The following RGS7 variants were observed in gnomAD, a reference collection of about 807,000 sequenced individuals.
RGS7 encodes the protein regulator of G-protein signaling 7.
In RGS7, 27 loss-of-function variants were observed where a neutral mutation model predicts 81.1. The observed-to-expected ratio is 0.33, with a 90% confidence interval of 0.25 to 0.46. RGS7 has a LOEUF of 0.46. RGS7 is among the 20% of genes least tolerant of loss of function. RGS7 has a pLI of 1.00. For synonymous variants in RGS7, 208 were observed against 207.7 expected (o/e 1.00, Z -0.01); for missense variants, 396 against 607.4 (o/e 0.65, Z 3.66).
chr1:241,054,631 C>T (rs574228314), intron 3 of RGS7, among the ~76,000 whole-genome samples: 3 of 152,168 alleles, frequency 2.0e-5, no homozygotes, highest in African/African-American at 7.2e-5. Context: ...AACTTTTATA[C>T]CCTACTTCCT....
At chr1:241,165,872 CAGT>C (rs2070187146) in intron 2 of RGS7, among the ~76,000 whole-genome samples, 1 of 151,746 alleles carries the variant, frequency 6.6e-6, no homozygotes, top group Non-Finnish European at 1.5e-5. Context: ...TACCCAACAG[CAGT>C]AGTTCTCAAA....
chr1:241,089,759 AC>A (rs2148924744), intron 3 of RGS7, among the ~76,000 whole-genome samples: 1 of 152,238 alleles, frequency 6.6e-6, no homozygotes, highest in East Asian at 1.9e-4. Flanking sequence ...GAACAGGAGC[AC>A]TTTGGGAGGA....
chr1:240,947,638 C>T lies in RGS7; in HGVS notation c.227-10932G>A, dbSNP rs552705594. Reference sequence around the variant, plus strand: ...ATCCACCACCTCCACCACCCCAGTCCAACCTCATATCATCCTGTGGCTGAG... The same window carrying T: ...ATCCACCACCTCCACCACCCCAGTCTAACCTCATATCATCCTGTGGCTGAG... On this transcript the variant is annotated intron_variant, in intron 4 of 18. Coordinates refer to ENST00000440928, the MANE Select transcript of RGS7 (RefSeq NM_001364886.1). 2.0e-4 allele frequency among the ~76,000 whole-genome samples: 30 copies of T among 152,256 alleles called. 1 individual carries two copies. The highest frequency in any genetic ancestry group is 1.7e-3 in the South Asian group (8 of 4,818).
intron 3 of RGS7, among the ~76,000 whole-genome samples, chr1:240,988,049 TCTGTCAGTCC>T (rs1057300863): frequency 2.6e-5 from 4 of 152,036 alleles, no homozygotes; most frequent in Non-Finnish European, 5.9e-5. Flanking sequence ...AATTAACTGA[TCTGTCAGTCC>T]CTTGAGAGAA....
rs1673285357 is a variant in RGS7, at chr1:240,920,254, T to C, written c.385+10463A>G. 8 of 1,263,526 alleles carry C rather than the reference T, an allele frequency of 6.3e-6. No individual in the cohort carries two copies. In the Admixed American group the frequency reaches 1.0e-4, roughly 16 times the overall value. The allele number at this position is 1,263,526 out of a possible 1,614,324, so 78.3% of individuals were successfully genotyped here. A position where few individuals can be genotyped will look rare whatever the true frequency, so the allele number is the denominator to read the frequency against. On this transcript the variant is annotated intron_variant, in intron 6 of 18. Transcript: ENST00000440928. ...AGAGGTCGAAGTGGTTCTGGAAACT[T>C]TGGTGGTGATCGTGGTGGTGGTTTT...
intron 3 of RGS7, among the ~76,000 whole-genome samples, chr1:241,012,767 C>T (rs1572258325): frequency 1.3e-5 from 2 of 152,238 alleles, no homozygotes; most frequent in African/African-American, 4.8e-5. Context: ...TCTGAGTCCC[C>T]CTTAACCAGC....
intron 2 of RGS7, among the ~76,000 whole-genome samples, chr1:241,339,073 C>T (rs972827736): frequency 2.6e-5 from 4 of 152,082 alleles, no homozygotes; most frequent in African/African-American, 9.7e-5. Context: ...CAGTGCGTGT[C>T]GTTCCCCTCC....
At position 241,086,257 on chromosome 1, in the gene RGS7, C is replaced by T. The variant is rs374276732; in HGVS notation, c.175+12409G>A. On this transcript the variant is annotated intron_variant, in intron 3 of 18. Coordinates refer to ENST00000440928, the MANE Select transcript of RGS7 (RefSeq NM_001364886.1). ...ATATAGCCAAAACATATCATGCCTT[C>T]GTCATTCTCTCCATGAAGAAAGAAA... 8.5e-5 allele frequency among the ~76,000 whole-genome samples: 13 copies of T among 152,292 alleles called. No individual in the cohort carries two copies. The South Asian group carries it at 1.2e-3, about 15-fold the overall frequency.
In RGS7 at chr1:241,089,020, CAT is replaced by C. The variant is rs1491519037; in HGVS notation, c.175+9644_175+9645del. ...CAGCCTGGGCCACAGAGCAAGACTC[CAT>C]CTCTCTCTCTCTCTCTCTCTCTCTC... On this transcript the variant is annotated intron_variant, in intron 3 of 18. Coordinates refer to ENST00000440928, the MANE Select transcript of RGS7 (RefSeq NM_001364886.1). 1.7e-3 allele frequency among the ~76,000 whole-genome samples: 78 copies of C among 45,408 alleles called. 2 individuals carry two copies. The highest frequency in any genetic ancestry group is 6.3e-3 in the African/African-American group (53 of 8,446). 29.8% of individuals were successfully genotyped at this position (45,408 alleles called of 152,430 possible).
At chr1:241,043,957 T>C (rs1257347979) in intron 3 of RGS7, among the ~76,000 whole-genome samples, 1 of 152,148 alleles carries the variant, frequency 6.6e-6, no homozygotes, top group East Asian at 1.9e-4. Flanking sequence ...TTCTTTTGCA[T>C]GTATGCTTGT....
chr1:241,327,151 G>GAAAAGAAAGAAAGAAAGAAAAGA, intron 2 of RGS7, among the ~76,000 whole-genome samples: 1 of 86,904 alleles, frequency 1.2e-5, no homozygotes, highest in African/African-American at 2.9e-5. Flanking sequence ...AGAAAGGAAA[G>GAAAAGAAAGAAAGAAAGAAAAGA]AAAGAAAGAA....
At chr1:241,183,909 T>C (rs2071860103) in intron 2 of RGS7, among the ~76,000 whole-genome samples, 1 of 152,162 alleles carries the variant, frequency 6.6e-6, no homozygotes, top group Non-Finnish European at 1.5e-5. Flanking sequence ...ATTGGTGGCA[T>C]TATCGTCAGG....
intron 3 of RGS7, among the ~76,000 whole-genome samples, chr1:241,072,953 G>A (rs1208195709): frequency 6.6e-6 from 1 of 152,124 alleles, no homozygotes; most frequent in Admixed American, 6.5e-5. Flanking sequence ...GCTGCATGGA[G>A]TAGGGGAAGA....
At chr1:240,933,009 G>A (rs1445878301) in intron 5 of RGS7, among the ~76,000 whole-genome samples, 26 of 141,204 alleles carry the variant, frequency 1.8e-4, no homozygotes, top group South Asian at 4.7e-4. Flanking sequence ...TCAGCCTCCC[G>A]AGTAGCTGGG....
intron 17 of RGS7, among the ~76,000 whole-genome samples, chr1:240,801,012 T>C (rs1687934928): frequency 6.6e-6 from 1 of 152,112 alleles, no homozygotes; most frequent in Admixed American, 6.6e-5. Context: ...TCTTTAATTT[T>C]AAACTGCTCA....
At chr1:241,185,897 T>G (rs1455485588) in intron 2 of RGS7, among the ~76,000 whole-genome samples, 1 of 152,046 alleles carries the variant, frequency 6.6e-6, no homozygotes, top group Non-Finnish European at 1.5e-5. Flanking sequence ...CATCTAAGTT[T>G]CCATCTTAAT....
chr1:241,175,051 C>T (rs2103276888), intron 2 of RGS7, among the ~76,000 whole-genome samples: 1 of 151,920 alleles, frequency 6.6e-6, no homozygotes, highest in South Asian at 2.1e-4. Flanking sequence ...TACAGGCGCC[C>T]ACTACCATGC....
intron 11 of RGS7, 94 bp downstream of exon 11, chr1:240,816,223 A>C: frequency 1.2e-6 from 1 of 808,492 alleles, no homozygotes; most frequent in Non-Finnish European, 2.2e-6. Context: ...CATACAAATA[A>C]CCTATAAAAA....
intron 4 of RGS7, among the ~76,000 whole-genome samples, chr1:240,953,946 A>G (rs1352158479): frequency 6.6e-6 from 1 of 152,046 alleles, no homozygotes; most frequent in Non-Finnish European, 1.5e-5. Context: ...TAGAATTAAA[A>G]GATAATAAAG....
Sources: gnomAD v4.1 joint callset for allele counts (sites outside exome capture counted in the v4.1 genomes callset) on GRCh38, gnomAD v4.1.1 for gene constraint, MANE v1.5 for transcripts, NCBI Gene and HGNC (gene_info 2026-07-23, HGNC 2026-07-21) for gene names.